COLGALT1: variants seen among roughly 807,000 people sequenced by gnomAD.
COLGALT1 encodes the protein procollagen galactosyltransferase 1.
Under a neutral mutation model 60.8 loss-of-function variants are expected in COLGALT1, and 43 were observed. The observed-to-expected ratio is 0.71, with a 90% CI of 0.55 to 0.91. The LOEUF is 0.91. Ranked by LOEUF, COLGALT1 falls within the 40% of genes least tolerant of loss-of-function variation. COLGALT1 has a pLI of 0.00. For missense variants in COLGALT1, 845 were observed against 880.0 expected (o/e 0.96, Z 0.50); for synonymous variants, 369 against 374.2 (o/e 0.99, Z 0.16).
intron 1 of COLGALT1, among the ~76,000 whole-genome samples, chr19:17,557,194 T>C (rs1339390827): frequency 6.6e-6 from 1 of 152,262 alleles, no homozygotes; most frequent in Non-Finnish European, 1.5e-5. Context: ...CAATTGGTAC[T>C]TAACAAATGT....
intron 8 of COLGALT1, 28 bp from the exon 9 acceptor site, chr19:17,577,929 T>C (rs1246020152): frequency 6.3e-7 from 1 of 1,585,966 alleles, no homozygotes; most frequent in East Asian, 2.3e-5. Flanking sequence ...GTGAACCTTC[T>C]TCGTGACCCT....
At chr19:17,556,429 C>T (rs1599773297) in intron 1 of COLGALT1, 1 of 481,926 alleles carries the variant, frequency 2.1e-6, no homozygotes, top group Non-Finnish European at 2.7e-6. Context: ...TCTGTGCCGG[C>T]TGCTGCCCTT....
intron 1 of COLGALT1, among the ~76,000 whole-genome samples, chr19:17,556,294 A>T (rs1201193550): frequency 6.6e-6 from 1 of 152,168 alleles, no homozygotes; most frequent in Non-Finnish European, 1.5e-5. Flanking sequence ...GCTGGACCCT[A>T]CTAGGGCAGC....
At chr19:17,559,822 C>T (rs2076237614) in intron 2 of COLGALT1, among the ~76,000 whole-genome samples, 1 of 152,022 alleles carries the variant, frequency 6.6e-6, no homozygotes, top group Admixed American at 6.6e-5. Flanking sequence ...GGGTCTCACT[C>T]CCTCACCCAG....
At chr19:17,569,374 A>G (rs959063183) in intron 5 of COLGALT1, among the ~76,000 whole-genome samples, 6 of 151,996 alleles carry the variant, frequency 3.9e-5, no homozygotes, top group South Asian at 2.1e-4. Flanking sequence ...CCGTTACACA[A>G]TTTTCCATGA....
At chr19:17,575,988 T>G (rs1018672867) in intron 6 of COLGALT1, among the ~76,000 whole-genome samples, 1 of 152,164 alleles carries the variant, frequency 6.6e-6, no homozygotes, top group Non-Finnish European at 1.5e-5. Flanking sequence ...TCATGACATC[T>G]CTTTGTGAAA....
chr19:17,578,240 C>A (rs115289031), intron 9 of COLGALT1, 151 bp downstream of exon 9: 3 of 764,270 alleles, frequency 3.9e-6, no homozygotes, highest in African/African-American at 3.6e-5. Context: ...GTGAATGATG[C>A]GCCACACCAG....
intron 3 of COLGALT1, among the ~76,000 whole-genome samples, chr19:17,563,952 A>G (rs564180848): frequency 2.2e-4 from 33 of 152,196 alleles, no homozygotes; most frequent in Middle Eastern, 3.4e-3. Flanking sequence ...AAATAAAAAT[A>G]TACGAGCTGG....
chr19:17,576,908 C>G (rs1253185998), intron 6 of COLGALT1, among the ~76,000 whole-genome samples: 2 of 37,672 alleles, frequency 5.3e-5, no homozygotes, highest in African/African-American at 8.8e-5. Flanking sequence ...GTAGCGGGGC[C>G]TTGGGCGCGG....
Position 17,560,464 on chromosome 19 carries a change from T to C in COLGALT1, c.488T>C (p.Leu163Pro). 1 of 1,613,652 alleles carries C rather than the reference T, an allele frequency of 6.2e-7. No individual in the cohort carries two copies. The highest frequency in any genetic ancestry group is 8.5e-7 in the Non-Finnish European group (1 of 1,179,544). The part of the protein sequence containing the change: ...SARDMWADYI[L>P]FVDADNLILN... ...CGAGACATGTGGGCTGATTACATCC[T>C]GGTAAGTTTCTCAGCCGGCCGGATA... is the stretch of plus-strand genomic sequence containing the variant. The change falls in exon 3 of 12, where the codon CTG (leucine) becomes CCG (proline). Residue 163 changes from leucine to proline, a missense_variant and splice_region_variant. By Grantham distance (98) the Leu-to-Pro change is moderately conservative (BLOSUM62 -3). Transcript: ENST00000252599.
chr19:17,560,695 T>C (rs1214777170), intron 3 of COLGALT1, among the ~76,000 whole-genome samples: 1 of 152,102 alleles, frequency 6.6e-6, no homozygotes, highest in Admixed American at 6.6e-5. Flanking sequence ...CTGTCCCCAG[T>C]TGTCCCCTGT....
In COLGALT1 at chr19:17,556,068, C is replaced by T. The variant is rs1461341078; in HGVS notation, c.260+95C>T. On this transcript the variant is annotated intron_variant, in intron 1 of 11. Coordinates refer to ENST00000252599, the MANE Select transcript of COLGALT1 (RefSeq NM_024656.4). Reference sequence around the variant, plus strand: ...GTCCACGCGAGCCCCTGCCCGCTGTCCTCTTCTGGGCGGGTCCGCGCGTGC... The same window carrying T: ...GTCCACGCGAGCCCCTGCCCGCTGTTCTCTTCTGGGCGGGTCCGCGCGTGC... 1.5e-5 allele frequency: 18 copies of T among 1,221,014 alleles called. No homozygotes were observed. The East Asian group carries it at 3.8e-4, about 26-fold the overall frequency. 75.6% of individuals were successfully genotyped at this position (1,221,014 alleles called of 1,614,324 possible).
chr19:17,578,872 G>A (rs1402966460), intron 9 of COLGALT1, among the ~76,000 whole-genome samples: 1 of 152,142 alleles, frequency 6.6e-6, no homozygotes, highest in African/African-American at 2.4e-5. Flanking sequence ...TTATCTGGGT[G>A]TGGTGGTGGG....
chr19:17,555,957 G>A lies in COLGALT1; in HGVS notation c.244G>A (p.Glu82Lys). Residue 82 changes from glutamate to lysine, a missense_variant, in exon 1 of 12, where the codon GAG becomes AAG. Transcript: ENST00000252599. ...ACTCGAGCGGCTGCGGCACCCGCGG[G>A]AGCGCACGGCGCTATGGTGAGTCGA... ...GALERLRHPRERTALWVATDH... is the reference protein window; with the variant it reads ...GALERLRHPRKRTALWVATDH... 1 of 1,380,186 alleles carries A rather than the reference G, an allele frequency of 7.2e-7. No individual in the cohort carries two copies. The highest frequency in any genetic ancestry group is 9.4e-7 in the Non-Finnish European group (1 of 1,066,860). 85.5% of individuals were successfully genotyped at this position (1,380,186 alleles called of 1,614,324 possible). A position where few individuals can be genotyped will look rare whatever the true frequency, so the allele number is the denominator to read the frequency against.
chr19:17,572,141 C>T (rs929388439), intron 5 of COLGALT1, among the ~76,000 whole-genome samples: 15 of 151,986 alleles, frequency 9.9e-5, no homozygotes, highest in South Asian at 2.1e-4. Flanking sequence ...GAAACCCCGT[C>T]TCTACAAATA....
intron 8 of COLGALT1, 43 bp downstream of exon 8, chr19:17,577,510 G>C: frequency 7.2e-7 from 1 of 1,386,162 alleles, no homozygotes; most frequent in South Asian, 1.5e-5. Context: ...TCCGCACGTG[G>C]ATGTGGGTGT....
At chr19:17,558,669 C>G (rs1157381345) in intron 1 of COLGALT1, among the ~76,000 whole-genome samples, 1 of 151,548 alleles carries the variant, frequency 6.6e-6, no homozygotes, top group African/African-American at 2.4e-5. Context: ...CAGAGCAAGA[C>G]TCTGTCTCAA....
Position 17,579,485 on chromosome 19 carries a change from G to A in COLGALT1, c.1270G>A (p.Val424Met), listed in dbSNP as rs145212081. ...GTGGCGGGGCTTCCTCCCTCAGGTG[G>A]TGGACCGGGGGCTGCAGAAATCGCT... ...LSHYNIWKEV[V>M]DRGLQKSLVF... Residue 424 changes from valine to methionine, a missense_variant, in exon 10 of 12, where the codon GTG (valine) becomes ATG (methionine). Physicochemically the swap from Val to Met is conservative, Grantham distance 21 (BLOSUM62 1). Coordinates refer to ENST00000252599, the MANE Select transcript of COLGALT1 (RefSeq NM_024656.4). The A allele has an allele frequency of 8.1e-6, 13 of 1,614,088 alleles. No individual in the cohort carries two copies. The African/African-American group carries it at 1.7e-4, about 22-fold the overall frequency.
chr19:17,557,405 A>G (rs1217802651), intron 1 of COLGALT1, among the ~76,000 whole-genome samples: 1 of 151,936 alleles, frequency 6.6e-6, no homozygotes, highest in East Asian at 1.9e-4. Context: ...GGTTCAAGTG[A>G]TTCTCCTGCC....
Sources: gnomAD v4.1 joint callset for allele counts (sites outside exome capture counted in the v4.1 genomes callset) on GRCh38, gnomAD v4.1.1 for gene constraint, MANE v1.5 for transcripts, NCBI Gene and HGNC (gene_info 2026-07-23, HGNC 2026-07-21) for gene names.